Variants in SDK1 observed in about 807,000 individuals in gnomAD.
SDK1 encodes the protein sidekick cell adhesion molecule 1.
In SDK1, 157 loss-of-function variants were observed where a neutral mutation model predicts 245.5. The ratio of observed to expected loss-of-function variants is 0.64; its 90% CI spans 0.56 to 0.73. SDK1 has a LOEUF of 0.73. Among genes scored for constraint, SDK1 ranks in the 30% least tolerant of loss-of-function variants. The pLI is 0.00. For synonymous variants in SDK1, 1,647 were observed against 1,278.5 expected, an observed-to-expected ratio of 1.29 and a Z score of -6.15; for missense variants, 3,583 against 3,002.3, an observed-to-expected ratio of 1.19 and a Z score of -4.52.
intron 1 of SDK1, among the ~76,000 whole-genome samples, chr7:3,541,038 C>G (rs945517256): frequency 1.3e-5 from 2 of 152,158 alleles, no homozygotes; most frequent in Admixed American, 6.5e-5. Flanking sequence ...TACCAAAGAA[C>G]AGATTTCCAA....
intron 5 of SDK1, among the ~76,000 whole-genome samples, chr7:3,891,626 A>G (rs988859966): frequency 2.2e-4 from 33 of 152,120 alleles, no homozygotes; most frequent in African/African-American, 7.7e-4. Flanking sequence ...TTCCAAGTAC[A>G]CTGAGCACAT....
intron 1 of SDK1, among the ~76,000 whole-genome samples, chr7:3,550,450 G>T (rs1006956203): frequency 2.6e-5 from 4 of 152,186 alleles, no homozygotes; most frequent in Non-Finnish European, 5.9e-5. Context: ...CTTGACTAAG[G>T]CATGTGCCTC....
intron 4 of SDK1, among the ~76,000 whole-genome samples, chr7:3,758,551 A>G (rs1481995535): frequency 1.3e-5 from 2 of 152,206 alleles, no homozygotes; most frequent in East Asian, 1.9e-4. Flanking sequence ...TTGTAGGTCA[A>G]ATGGCTCCTA....
chr7:3,698,199 C>G (rs971024800), intron 4 of SDK1, among the ~76,000 whole-genome samples: 7 of 152,156 alleles, frequency 4.6e-5, no homozygotes, highest in Non-Finnish European at 8.8e-5. Context: ...CCAAATACTA[C>G]CGAAGAAAAC....
chr7:3,666,408 G>C (rs182578279), intron 4 of SDK1, among the ~76,000 whole-genome samples: 3 of 152,170 alleles, frequency 2.0e-5, no homozygotes, highest in African/African-American at 4.8e-5. Context: ...TTTACTTTTA[G>C]CTTCAGATTT....
chr7:3,589,138 G>A (rs1185598335), intron 1 of SDK1, among the ~76,000 whole-genome samples: 1 of 152,228 alleles, frequency 6.6e-6, no homozygotes, highest in Non-Finnish European at 1.5e-5. Flanking sequence ...TGACTTCACA[G>A]TTAATGTGGG....
At chr7:3,423,563 A>C (rs2128581600) in intron 1 of SDK1, among the ~76,000 whole-genome samples, 1 of 149,016 alleles carries the variant, frequency 6.7e-6, no homozygotes, top group Non-Finnish European at 1.5e-5. Context: ...TTAGTCATGG[A>C]AACAGTGGCT....
At chr7:3,469,035 C>G (rs944953082) in intron 1 of SDK1, among the ~76,000 whole-genome samples, 2 of 152,138 alleles carry the variant, frequency 1.3e-5, no homozygotes, top group Non-Finnish European at 1.5e-5. Context: ...CCAGTTTTTG[C>G]TGATCATGTC....
intron 4 of SDK1, among the ~76,000 whole-genome samples, chr7:3,655,995 C>T (rs917573993): frequency 6.6e-6 from 1 of 152,082 alleles, no homozygotes; most frequent in Non-Finnish European, 1.5e-5. Context: ...CTGTCTAAAC[C>T]GTGAAGTACG....
At chr7:3,539,594 C>T (rs1209358152) in intron 1 of SDK1, among the ~76,000 whole-genome samples, 1 of 152,096 alleles carries the variant, frequency 6.6e-6, no homozygotes, top group Non-Finnish European at 1.5e-5. Context: ...AAGAGCAGGG[C>T]CGTATCACAT....
At chr7:3,490,460 G>T (rs189919202) in intron 1 of SDK1, among the ~76,000 whole-genome samples, 57 of 152,244 alleles carry the variant, frequency 3.7e-4, no homozygotes, top group African/African-American at 1.3e-3. Flanking sequence ...CCTGTGATAT[G>T]CCAGTCATTC....
intron 1 of SDK1, among the ~76,000 whole-genome samples, chr7:3,478,505 CT>C (rs1781413433): frequency 6.6e-6 from 1 of 151,874 alleles, no homozygotes; most frequent in African/African-American, 2.4e-5. Context: ...ATATATTCAA[CT>C]TTAAAAATAA....
At chr7:3,908,153 G>A (rs1386194121) in intron 5 of SDK1, among the ~76,000 whole-genome samples, 3 of 152,138 alleles carry the variant, frequency 2.0e-5, no homozygotes, top group Admixed American at 6.5e-5. Context: ...CTGGAGTAAC[G>A]TGCTGAGGGC....
At chr7:3,507,759 C>T (rs1468642424) in intron 1 of SDK1, among the ~76,000 whole-genome samples, 2 of 152,168 alleles carry the variant, frequency 1.3e-5, no homozygotes, top group Non-Finnish European at 2.9e-5. Flanking sequence ...GTGCGGGACT[C>T]CCTCCAATTA....
intron 1 of SDK1, among the ~76,000 whole-genome samples, chr7:3,417,139 A>G (rs920089960): frequency 2.0e-5 from 3 of 152,216 alleles, no homozygotes; most frequent in African/African-American, 2.4e-5. Flanking sequence ...GCGCCACTGC[A>G]CTCAAGCCTG....
intron 35 of SDK1, among the ~76,000 whole-genome samples, chr7:4,184,044 T>A (rs775756865): frequency 1.3e-5 from 2 of 152,236 alleles, no homozygotes; most frequent in African/African-American, 4.8e-5. Context: ...CAGTTCGCCA[T>A]TCCCTTTCTA....
chr7:4,161,722 C>G lies in SDK1; in HGVS notation c.4730-64C>G, dbSNP rs890463566. On this transcript the variant is annotated intron_variant, in intron 31 of 44. Coordinates refer to ENST00000404826, the MANE Select transcript of SDK1 (RefSeq NM_152744.4). ...CTCCCCATACTCACTGAGGGTGGCC[C>G]TGGGAAGGGCGGCAGAACATAACAA... 41 of 1,404,786 alleles carry G rather than the reference C, an allele frequency of 2.9e-5. No individual in the cohort carries two copies. The African/African-American group carries it at 5.4e-4, about 18-fold the overall frequency. 87.0% of individuals were successfully genotyped at this position (1,404,786 alleles called of 1,614,324 possible). A position where few individuals can be genotyped will look rare whatever the true frequency, so the allele number is the denominator to read the frequency against.
intron 5 of SDK1, among the ~76,000 whole-genome samples, chr7:3,877,460 C>T (rs1178104088): frequency 2.6e-5 from 4 of 152,136 alleles, no homozygotes; most frequent in African/African-American, 9.7e-5. Context: ...TTCAGTGTGC[C>T]CAGCTTGGAA....
intron 1 of SDK1, among the ~76,000 whole-genome samples, chr7:3,462,439 C>T (rs1780862614): frequency 1.3e-5 from 2 of 152,170 alleles, no homozygotes; most frequent in African/African-American, 4.8e-5. Flanking sequence ...TCTCAACCTA[C>T]AATCTTTTCC....
Sources: allele counts gnomAD v4.1 joint callset (sites outside exome capture counted in the v4.1 genomes callset), GRCh38; gene constraint gnomAD v4.1.1; transcripts MANE v1.5; gene names NCBI Gene and HGNC (gene_info 2026-07-23, HGNC 2026-07-21).